PRH1: variants seen among roughly 807,000 people sequenced by gnomAD.
The protein encoded by PRH1 is proline rich protein HaeIII subfamily 1.
A neutral mutation model predicts 7.9 loss-of-function variants in PRH1; 7 were observed. The observed-to-expected ratio is 0.89, with a 90% CI of 0.50 to 1.67. The LOEUF is 1.67. Among genes scored for constraint, PRH1 ranks in the 40% most tolerant of loss-of-function variants. The probability of loss-of-function intolerance (pLI) is 0.00; values close to 1 mark genes in which losing one functional copy is unlikely to be tolerated. For missense variants in PRH1, 109 were observed against 223.6 expected (o/e 0.49, Z 3.27); for synonymous variants, 45 against 80.8 (o/e 0.56, Z 2.38).
chr12:11,090,088 T>C (rs1944828372), intron 1 of PRH1, among the ~76,000 whole-genome samples: 2 of 105,870 alleles, frequency 1.9e-5, no homozygotes, highest in African/African-American at 6.1e-5. Context: ...TTAATGAACG[T>C]AATAGAATTT....
intron 1 of PRH1, among the ~76,000 whole-genome samples, chr12:11,037,541 TTTA>T (rs1203439731): frequency 6.6e-6 from 1 of 152,176 alleles, no homozygotes; most frequent in Non-Finnish European, 1.5e-5. Context: ...GATATATTTA[TTTA>T]ATTTAATATC....
intron 1 of PRH1, among the ~76,000 whole-genome samples, chr12:11,168,658 G>A (rs1391012300): frequency 6.6e-6 from 1 of 152,154 alleles, no homozygotes; most frequent in Non-Finnish European, 1.5e-5. Context: ...AAAGGCAGAA[G>A]GCTCCTACTA....
At chr12:10,950,511 G>A (rs905233188) in intron 2 of PRH1, among the ~76,000 whole-genome samples, 2 of 151,108 alleles carry the variant, frequency 1.3e-5, no homozygotes, top group African/African-American at 4.9e-5. Flanking sequence ...TTCATTCTAC[G>A]ACTCTGATTT....
intron 1 of PRH1, among the ~76,000 whole-genome samples, chr12:11,036,894 T>C (rs1437830986): frequency 6.6e-6 from 1 of 152,226 alleles, no homozygotes; most frequent in African/African-American, 2.4e-5. Context: ...CAGTGTGATT[T>C]CAGGCTTGTT....
At chr12:11,161,418 C>T (rs1249583505) in intron 1 of PRH1, among the ~76,000 whole-genome samples, 2 of 152,154 alleles carry the variant, frequency 1.3e-5, no homozygotes, top group Non-Finnish European at 2.9e-5. Flanking sequence ...TGGAGACTGG[C>T]AACACGATGG....
intron 2 of PRH1, among the ~76,000 whole-genome samples, chr12:10,924,449 A>G (rs1425669807): frequency 6.6e-6 from 1 of 152,222 alleles, no homozygotes; most frequent in Non-Finnish European, 1.5e-5. Context: ...TTGCCATCAG[A>G]TAAGGGATGG....
chr12:11,002,547 T>C (rs1217075407), intron 1 of PRH1, among the ~76,000 whole-genome samples: 1 of 152,112 alleles, frequency 6.6e-6, no homozygotes, highest in Non-Finnish European at 1.5e-5. Context: ...ATGAACTTCA[T>C]ATATACAAAT....
At position 11,084,360 on chromosome 12, in the gene PRH1, T is replaced by C. The variant is rs1297695461; in HGVS notation, n.124-37172A>G. ...ATACTATTGTACAAGTATGCCATAA[T>C]TTACTTATCCATTTAATCACTGATG... On this transcript the variant is annotated intron_variant and non_coding_transcript_variant, in intron 1 of 4. Transcript: ENST00000541977. Among the ~76,000 whole-genome samples the C allele has an allele frequency of 4.8e-4, 72 of 150,698 alleles. 1 individual carries two copies. Among genetic ancestry groups the C allele is most frequent in the Non-Finnish European group, 8.0e-4 (54 of 67,500 alleles).
At chr12:11,083,058 CAT>C (rs138299246) in intron 1 of PRH1, among the ~76,000 whole-genome samples, 1,859 of 116,286 alleles carry the variant, frequency 0.016, 513 homozygotes, top group Middle Eastern at 0.059. Flanking sequence ...TTTTTTCACA[CAT>C]GTGTACACAT....
chr12:10,980,202 A>G (rs1026055419), intron 1 of PRH1, among the ~76,000 whole-genome samples: 3 of 152,198 alleles, frequency 2.0e-5, no homozygotes, highest in Non-Finnish European at 4.4e-5. Context: ...TAATTCATTG[A>G]TCATGGAGCA....
At chr12:11,118,943 C>T (rs1817044), downstream of PRH1, among the ~76,000 whole-genome samples, 68,121 of 144,426 alleles carry the variant, frequency 0.47, 16,412 homozygotes, top group Non-Finnish European at 0.53. Context: ...TGCAGTGAGC[C>T]GAGATTGCGC....
chr12:10,922,803 G>T (rs2135850418), intron 2 of PRH1, among the ~76,000 whole-genome samples: 2 of 147,814 alleles, frequency 1.4e-5, no homozygotes, highest in African/African-American at 4.9e-5. Flanking sequence ...CATGATTATT[G>T]CATCTTTTCC....
intron 1 of PRH1, among the ~76,000 whole-genome samples, chr12:11,123,688 T>C (rs1945996143): frequency 6.6e-6 from 1 of 151,590 alleles, no homozygotes; most frequent in South Asian, 2.1e-4. Context: ...AACTGTAGCA[T>C]GAATTTGTTA....
At chr12:10,921,095 T>C (rs1950038868) in intron 2 of PRH1, among the ~76,000 whole-genome samples, 1 of 152,084 alleles carries the variant, frequency 6.6e-6, no homozygotes, top group Non-Finnish European at 1.5e-5. Context: ...TTTTACACTT[T>C]TTTTTAGCAG....
chr12:11,060,618 A>G (rs942207254), intron 1 of PRH1, among the ~76,000 whole-genome samples: 2 of 152,104 alleles, frequency 1.3e-5, no homozygotes, highest in East Asian at 3.8e-4. Context: ...CAAGATCACA[A>G]TCATGATTTT....
At chr12:11,131,753 G>GGA (rs1946349995) in intron 1 of PRH1, among the ~76,000 whole-genome samples, 1 of 152,248 alleles carries the variant, frequency 6.6e-6, no homozygotes, top group African/African-American at 2.4e-5. Flanking sequence ...TTTCCTCTGA[G>GGA]GAAGGATTCT....
At chr12:10,985,074 G>GA (rs35638884) in intron 1 of PRH1, among the ~76,000 whole-genome samples, 44,027 of 150,370 alleles carry the variant, frequency 0.29, 8,196 homozygotes, top group East Asian at 0.74. Flanking sequence ...AGGTGGTTTA[G>GA]AAAAAAAAAC....
chr12:10,902,901 A>G (rs1186870120), intron 2 of PRH1, among the ~76,000 whole-genome samples: 2 of 152,194 alleles, frequency 1.3e-5, no homozygotes, highest in East Asian at 3.8e-4. Flanking sequence ...TGCTACCAAA[A>G]TAGCACACCT....
At chr12:11,037,253 C>T (rs1378340555) in intron 1 of PRH1, among the ~76,000 whole-genome samples, 2 of 152,200 alleles carry the variant, frequency 1.3e-5, no homozygotes, top group Non-Finnish European at 2.9e-5. Flanking sequence ...CTTGCAAATG[C>T]TTTTTCCCCT....
Sources: gnomAD v4.1 joint callset for allele counts (sites outside exome capture counted in the v4.1 genomes callset) on GRCh38, gnomAD v4.1.1 for gene constraint, MANE v1.5 for transcripts, NCBI Gene and HGNC (gene_info 2026-07-23, HGNC 2026-07-21) for gene names.